SEMA3E: variants seen among roughly 807,000 people sequenced by gnomAD.
SEMA3E encodes the protein semaphorin-3E.
Under a neutral mutation model 93.6 loss-of-function variants are expected in SEMA3E, and 49 were observed. The observed-to-expected ratio is 0.52, with a 90% CI of 0.42 to 0.66. The LOEUF is 0.66. SEMA3E is among the 30% of genes least tolerant of loss of function. The pLI is 0.00. For synonymous variants in SEMA3E, 363 were observed against 330.7 expected, an observed-to-expected ratio of 1.10 and a Z score of -1.06; for missense variants, 906 against 964.8, an observed-to-expected ratio of 0.94 and a Z score of 0.81.
At chr7:83,635,239 C>T (rs1025984734) in intron 1 of SEMA3E, among the ~76,000 whole-genome samples, 2 of 151,886 alleles carry the variant, frequency 1.3e-5, no homozygotes, top group Non-Finnish European at 2.9e-5. Context: ...ATGTCAGTTT[C>T]ATCAATAATA....
rs1788601981 is a variant in SEMA3E, at chr7:83,418,454, T to C, written c.486A>G (p.Arg162=). 1 of 1,611,548 alleles carries C rather than the reference T, an allele frequency of 6.2e-7. No individual in the cohort carries two copies. ...EDPLFHLESP[R]SERGRGRCPF... ...GACATCTGCCCCTTCCTCTCTCAGA[T>C]CTGGGTGATTCCAGGTGAAACAGAG... is the stretch of plus-strand genomic sequence containing the variant. Residue 162 remains arginine (R), a synonymous_variant, in exon 5 of 17, where the codon AGA becomes AGG. Coordinates refer to ENST00000643230, the MANE Select transcript of SEMA3E (RefSeq NM_012431.3).
intron 1 of SEMA3E, among the ~76,000 whole-genome samples, chr7:83,588,801 C>T (rs1476359703): frequency 6.6e-6 from 1 of 152,078 alleles, no homozygotes; most frequent in Non-Finnish European, 1.5e-5. Flanking sequence ...AACACAAAAG[C>T]TTACCCAGAG....
intron 1 of SEMA3E, among the ~76,000 whole-genome samples, chr7:83,570,264 A>G (rs1305094135): frequency 1.3e-5 from 2 of 152,130 alleles, no homozygotes; most frequent in Non-Finnish European, 2.9e-5. Flanking sequence ...CTTCATCAAG[A>G]AGTTAGAGGC....
chr7:83,432,795 A>T (rs1023236487), intron 4 of SEMA3E, among the ~76,000 whole-genome samples: 1 of 152,320 alleles, frequency 6.6e-6, no homozygotes, highest in African/African-American at 2.4e-5. Context: ...AGATAAATGC[A>T]TAAGTCTTTA....
At chr7:83,628,732 C>T (rs1040515045) in intron 1 of SEMA3E, among the ~76,000 whole-genome samples, 2 of 152,070 alleles carry the variant, frequency 1.3e-5, no homozygotes, top group Non-Finnish European at 2.9e-5. Flanking sequence ...TTAGAACATA[C>T]TCCTTTAACT....
At chr7:83,516,945 T>TTATATATATATATATA (rs369210004) in intron 1 of SEMA3E, among the ~76,000 whole-genome samples, 101 of 148,558 alleles carry the variant, frequency 6.8e-4, no homozygotes, top group Non-Finnish European at 1.0e-3. Flanking sequence ...TAGCATATAT[T>TTATATATATATATATA]TATATATATA....
chr7:83,595,880 A>G (rs2115963704), intron 1 of SEMA3E, among the ~76,000 whole-genome samples: 1 of 152,136 alleles, frequency 6.6e-6, no homozygotes, highest in South Asian at 2.1e-4. Flanking sequence ...TGTAATTAAT[A>G]TATTTTAGGG....
chr7:83,565,316 TC>T (rs1275163017), intron 1 of SEMA3E, among the ~76,000 whole-genome samples: 1 of 152,142 alleles, frequency 6.6e-6, no homozygotes, highest in Non-Finnish European at 1.5e-5. Flanking sequence ...CACTGCATGT[TC>T]TCACTCATAA....
chr7:83,631,158 T>C (rs1338960095), intron 1 of SEMA3E, among the ~76,000 whole-genome samples: 2 of 152,156 alleles, frequency 1.3e-5, no homozygotes, highest in South Asian at 2.1e-4. Context: ...AAAAAGCTTC[T>C]GTTTATTTTA....
chr7:83,478,999 C>T (rs1380065554), intron 2 of SEMA3E, among the ~76,000 whole-genome samples: 1 of 152,090 alleles, frequency 6.6e-6, no homozygotes, highest in African/African-American at 2.4e-5. Context: ...ATTATTTATG[C>T]CCATATTGAG....
At chr7:83,528,035 C>A (rs1791198846) in intron 1 of SEMA3E, among the ~76,000 whole-genome samples, 1 of 152,002 alleles carries the variant, frequency 6.6e-6, no homozygotes, top group African/African-American at 2.4e-5. Flanking sequence ...TTGATTTACA[C>A]TGAATTACTG....
At chr7:83,538,835 C>A (rs1036924907) in intron 1 of SEMA3E, among the ~76,000 whole-genome samples, 1 of 152,122 alleles carries the variant, frequency 6.6e-6, no homozygotes. Flanking sequence ...TTTTCAGGAG[C>A]CATCTCATCT....
At chr7:83,582,727 A>T (rs1554340623) in intron 1 of SEMA3E, among the ~76,000 whole-genome samples, 1 of 152,048 alleles carries the variant, frequency 6.6e-6, no homozygotes, top group South Asian at 2.1e-4. Flanking sequence ...TCTCCTTTGA[A>T]TTTTTTTAGA....
At chr7:83,468,350 C>A (rs1011891331) in intron 3 of SEMA3E, among the ~76,000 whole-genome samples, 1 of 152,150 alleles carries the variant, frequency 6.6e-6, no homozygotes, top group Non-Finnish European at 1.5e-5. Flanking sequence ...TCTCTTGACA[C>A]ACCGTCACAT....
At chr7:83,472,621 G>T (rs551951876) in intron 2 of SEMA3E, among the ~76,000 whole-genome samples, 1 of 152,270 alleles carries the variant, frequency 6.6e-6, no homozygotes, top group African/African-American at 2.4e-5. Context: ...AATTTCATGG[G>T]CTTGGCTGGT....
At chr7:83,487,689 G>A (rs996900415) in intron 2 of SEMA3E, among the ~76,000 whole-genome samples, 5 of 70,330 alleles carry the variant, frequency 7.1e-5, no homozygotes, top group African/African-American at 1.4e-4. Context: ...GGTCGTGTGT[G>A]TGTGTGTGTG....
At chr7:83,569,140 TACA>T (rs1257061650) in intron 1 of SEMA3E, among the ~76,000 whole-genome samples, 1 of 101,846 alleles carries the variant, frequency 9.8e-6, no homozygotes, top group Non-Finnish European at 1.8e-5. Context: ...TTGCAATAGC[TACA>T]AAAAAAAAAA....
intron 4 of SEMA3E, chr7:83,462,237 T>C (rs1259109501): frequency 3.9e-5 from 6 of 152,186 alleles, no homozygotes; most frequent in East Asian, 1.9e-4. Flanking sequence ...TTAATCAATA[T>C]GGAGGCTACC....
chr7:83,378,486 ATC>A (rs1197925177), intron 16 of SEMA3E, among the ~76,000 whole-genome samples: 1 of 151,844 alleles, frequency 6.6e-6, no homozygotes, highest in Non-Finnish European at 1.5e-5. Flanking sequence ...ACCTTTGTGG[ATC>A]TCTCTCTTTG....
Sources: allele counts gnomAD v4.1 joint callset (sites outside exome capture counted in the v4.1 genomes callset), GRCh38; gene constraint gnomAD v4.1.1; transcripts MANE v1.5; gene names NCBI Gene and HGNC (gene_info 2026-07-23, HGNC 2026-07-21).